Variants in DPP6 observed in about 807,000 individuals in gnomAD.
DPP6 encodes the protein A-type potassium channel modulatory protein DPP6.
Under a neutral mutation model 122.6 loss-of-function variants are expected in DPP6, and 69 were observed. The ratio of observed to expected loss-of-function variants is 0.56; its 90% CI spans 0.46 to 0.69. The LOEUF is 0.69. DPP6 is among the 30% of genes least tolerant of loss of function. The pLI, the probability that DPP6 is intolerant of heterozygous loss-of-function variation, is 0.00. For synonymous variants in DPP6, 418 were observed against 433.1 expected, an observed-to-expected ratio of 0.97 and a Z score of 0.43; for missense variants, 928 against 1,116.9, an observed-to-expected ratio of 0.83 and a Z score of 2.41.
At position 154,602,088 on chromosome 7, in the gene DPP6, T is replaced by C. The variant is rs892293658; in HGVS notation, c.627+35172T>C. On this transcript the variant is annotated intron_variant, in intron 5 of 25. Coordinates refer to ENST00000377770, the MANE Select transcript of DPP6 (RefSeq NM_130797.4). ...ATTTTTCCTGTCCTCTTTTGGCTAC[T>C]TGAGTTTCTTATTATTCCAATTTAT... Among the ~76,000 whole-genome samples the C allele has an allele frequency of 2.5e-5, 3 of 121,274 alleles. 1 individual carries two copies. Among genetic ancestry groups the C allele is most frequent in the African/African-American group, 7.9e-5 (3 of 38,122 alleles). The allele number at this position is 121,274 out of a possible 152,430, so 79.6% of individuals were successfully genotyped here.
At position 154,131,689 on chromosome 7, in the gene DPP6, G is replaced by C. The variant is rs568980460; in HGVS notation, c.243+78626G>C. Among the ~76,000 whole-genome samples the C allele has an allele frequency of 2.6e-5, 4 of 152,392 alleles. No homozygotes were observed. The East Asian group carries it at 7.7e-4, about 29-fold the overall frequency. On this transcript the variant is annotated intron_variant, in intron 1 of 25. Coordinates refer to ENST00000377770, the MANE Select transcript of DPP6 (RefSeq NM_130797.4). ...AATTACATCTGGAGGAACTAACCTC[G>C]TCTGTAGGGATAGACTAGGAAGCTA...
At chr7:153,964,578 G>A (rs1161957963) in intron 1 of DPP6, among the ~76,000 whole-genome samples, 1 of 152,148 alleles carries the variant, frequency 6.6e-6, no homozygotes, top group Admixed American at 6.5e-5. Flanking sequence ...GGGAGATGTA[G>A]GGGCATGACA....
At chr7:154,184,076 G>A (rs4490745) in intron 1 of DPP6, among the ~76,000 whole-genome samples, 15 of 151,894 alleles carry the variant, frequency 9.9e-5, no homozygotes, top group African/African-American at 4.8e-5. Context: ...CACAAACATG[G>A]ATAGGAAGCC....
At chr7:154,679,297 C>T (rs1313860398) in intron 7 of DPP6, among the ~76,000 whole-genome samples, 1 of 152,198 alleles carries the variant, frequency 6.6e-6, no homozygotes, top group East Asian at 1.9e-4. Flanking sequence ...GAGCCTGTGG[C>T]TTTAGAAAAG....
the DPP6 span, among the ~76,000 whole-genome samples, chr7:153,852,937 G>A: frequency 1.3e-5 from 2 of 152,258 alleles, no homozygotes; most frequent in African/African-American, 4.8e-5. Flanking sequence ...GAACGGACAA[G>A]CTATGAAGTG....
chr7:154,761,942 G>C (rs1301956751), intron 8 of DPP6, among the ~76,000 whole-genome samples: 2 of 152,142 alleles, frequency 1.3e-5, no homozygotes, highest in Non-Finnish European at 2.9e-5. Flanking sequence ...AGAACATGCA[G>C]TGTTTGGTTT....
intron 1 of DPP6, among the ~76,000 whole-genome samples, chr7:154,239,976 A>C (rs1801475273): frequency 8.1e-6 from 1 of 122,792 alleles, no homozygotes. Flanking sequence ...TGGGAGACAG[A>C]GTAAGATGCT....
At chr7:154,101,647 G>A (rs1805732468) in intron 1 of DPP6, among the ~76,000 whole-genome samples, 1 of 151,990 alleles carries the variant, frequency 6.6e-6, no homozygotes, top group Admixed American at 6.5e-5. Context: ...AGAGTGTTGG[G>A]CTGGGCACAG....
At chr7:154,554,594 A>G (rs1829880969) in intron 4 of DPP6, among the ~76,000 whole-genome samples, 1 of 152,208 alleles carries the variant, frequency 6.6e-6, no homozygotes, top group South Asian at 2.1e-4. Context: ...CTCCTCAGAA[A>G]CATGCCTAGA....
intron 1 of DPP6, among the ~76,000 whole-genome samples, chr7:154,380,572 G>A (rs1259761898): frequency 6.6e-6 from 1 of 152,208 alleles, no homozygotes; most frequent in African/African-American, 2.4e-5. Flanking sequence ...TTGGGAAACG[G>A]CAGGTGAGTC....
At chr7:154,491,434 A>G (rs1245873371) in intron 3 of DPP6, among the ~76,000 whole-genome samples, 1 of 152,192 alleles carries the variant, frequency 6.6e-6, no homozygotes, top group African/African-American at 2.4e-5. Flanking sequence ...AATGTCTAAG[A>G]AAAGACACAA....
chr7:153,972,825 T>C (rs1796090465), intron 1 of DPP6, among the ~76,000 whole-genome samples: 1 of 152,006 alleles, frequency 6.6e-6, no homozygotes, highest in South Asian at 2.1e-4. Context: ...TGTATTAGTA[T>C]TGCCATGTGT....
At chr7:154,109,551 C>CA (rs1299784022) in intron 1 of DPP6, among the ~76,000 whole-genome samples, 14 of 152,184 alleles carry the variant, frequency 9.2e-5, no homozygotes, top group Admixed American at 9.2e-4. Flanking sequence ...CTCAGCCTCC[C>CA]AAAATGCTGG....
intron 1 of DPP6, among the ~76,000 whole-genome samples, chr7:154,261,173 C>T (rs953615988): frequency 4.3e-4 from 65 of 152,198 alleles, no homozygotes; most frequent in African/African-American, 1.4e-3. Flanking sequence ...GGATTACAGG[C>T]ATGAGCTGCC....
intron 1 of DPP6, among the ~76,000 whole-genome samples, chr7:154,429,001 T>C (rs1818136743): frequency 6.6e-6 from 1 of 152,088 alleles, no homozygotes; most frequent in East Asian, 1.9e-4. Flanking sequence ...GCTATTAAAA[T>C]AAAATAAAAC....
intron 16 of DPP6, among the ~76,000 whole-genome samples, chr7:154,835,004 A>C (rs1198175251): frequency 1.3e-5 from 2 of 152,198 alleles, no homozygotes; most frequent in African/African-American, 4.8e-5. Flanking sequence ...AGAATGACTT[A>C]GACGTATAGG....
chr7:154,286,759 A>G (rs766777531), intron 1 of DPP6, among the ~76,000 whole-genome samples: 29 of 149,052 alleles, frequency 1.9e-4, no homozygotes, highest in Non-Finnish European at 3.3e-4. Context: ...TGGGGCCAGT[A>G]TCCCATTGTT....
At chr7:154,184,036 A>G (rs1275263840) in intron 1 of DPP6, among the ~76,000 whole-genome samples, 1 of 152,164 alleles carries the variant, frequency 6.6e-6, no homozygotes, top group Admixed American at 6.5e-5. Context: ...CTGAGTAGCC[A>G]AACTTAGCGG....
chr7:154,503,327 C>G (rs1402651194), intron 3 of DPP6, among the ~76,000 whole-genome samples: 2 of 152,318 alleles, frequency 1.3e-5, no homozygotes, highest in East Asian at 3.9e-4. Flanking sequence ...ATCCAAAGAG[C>G]ATGTGGTTTG....
Sources: gnomAD v4.1 joint callset for allele counts (sites outside exome capture counted in the v4.1 genomes callset) on GRCh38, gnomAD v4.1.1 for gene constraint, MANE v1.5 for transcripts, NCBI Gene and HGNC (gene_info 2026-07-23, HGNC 2026-07-21) for gene names.